Variants in BTBD16 observed in about 807,000 individuals in gnomAD.
BTBD16 encodes the protein BTB domain containing 16.
A neutral mutation model predicts 67.4 loss-of-function variants in BTBD16; 66 were observed. The observed-to-expected ratio is 0.98, with a 90% CI of 0.80 to 1.20. The LOEUF (loss-of-function observed/expected upper bound fraction) is 1.20. Among genes scored for constraint, BTBD16 ranks in the 50% most tolerant of loss-of-function variants. The pLI, the probability that BTBD16 is intolerant of heterozygous loss-of-function variation, is 0.00. For missense variants in BTBD16, 634 were observed against 616.0 expected (o/e 1.03, Z -0.31); for synonymous variants, 242 against 236.4 (o/e 1.02, Z -0.22).
Position 122,286,248 on chromosome 10 carries a change from G to T in BTBD16, c.385G>T (p.Ala129Ser). 1 of 1,605,338 alleles carries T rather than the reference G, an allele frequency of 6.2e-7. No homozygotes were observed. The highest frequency in any genetic ancestry group is 8.5e-7 in the Non-Finnish European group (1 of 1,174,454). The part of the protein sequence containing the change: ...PLRELEELLR[A>S]QSPKKTKEKS... ...GAGGGAGCTGGAGGAGCTTCTGCGA[G>T]GTACTTCCTCCCTGGCACCCAGTGC... The change falls in exon 5 of 16, where the codon GCT becomes TCT. Residue 129 changes from alanine to serine, a missense_variant and splice_region_variant. Coordinates refer to ENST00000260723, the MANE Select transcript of BTBD16 (RefSeq NM_144587.5).
chr10:122,302,230 G>T (rs1218507256), intron 9 of BTBD16, among the ~76,000 whole-genome samples: 1 of 152,170 alleles, frequency 6.6e-6, no homozygotes, highest in African/African-American at 2.4e-5. Flanking sequence ...ACCACCTGGG[G>T]TAAAATATGC....
intron 7 of BTBD16, chr10:122,295,441 C>A (rs757294391): frequency 5.1e-6 from 5 of 985,356 alleles, no homozygotes; most frequent in Non-Finnish European, 4.8e-6. Flanking sequence ...ATGAGCAGGT[C>A]TTGGTTCAGT....
In BTBD16 at chr10:122,286,151, C is replaced by T. The variant is rs765233305; in HGVS notation, c.288C>T (p.Pro96=). 5 of 1,613,808 alleles carry T rather than the reference C, an allele frequency of 3.1e-6. No individual in the cohort carries two copies. In the African/African-American group the frequency reaches 6.7e-5, roughly 22 times the overall value. ...GCTTCAAATGGGAGCTCCATCAGCC[C>T]CAGCTTTTTCAGTCTGAGACCTTGG... The part of the protein sequence containing the change: ...CLGFKWELHQ[P]QLFQSETLAK... Residue 96 remains proline, a synonymous_variant, in exon 5 of 16, where the codon CCC becomes CCT. Transcript: ENST00000260723.
At chr10:122,273,259 CATAT>C (rs565521846) in intron 1 of BTBD16, among the ~76,000 whole-genome samples, 5 of 122,788 alleles carry the variant, frequency 4.1e-5, no homozygotes, top group Non-Finnish European at 8.8e-5. Flanking sequence ...CACATACATA[CATAT>C]ATATACAGAT....
intron 5 of BTBD16, 60 bp from the exon 6 acceptor site, chr10:122,289,849 C>G (rs2096370553): frequency 7.7e-7 from 1 of 1,292,088 alleles, no homozygotes; most frequent in Non-Finnish European, 1.1e-6. Flanking sequence ...TGGGTGCCTC[C>G]CACTGTGTCT....
intron 7 of BTBD16, 78 bp from the exon 8 acceptor site, chr10:122,297,690 A>C: frequency 1.9e-5 from 28 of 1,504,070 alleles, no homozygotes; most frequent in Non-Finnish European, 2.5e-5. Flanking sequence ...CCTGGAGTTG[A>C]ATGAGAATCT....
intron 9 of BTBD16, among the ~76,000 whole-genome samples, chr10:122,300,233 T>C (rs1257267874): frequency 6.6e-6 from 1 of 152,190 alleles, no homozygotes; most frequent in African/African-American, 2.4e-5. Context: ...CTCTTAAACA[T>C]TTTTATTTGA....
At chr10:122,324,703 C>G (rs1056510608) in intron 10 of BTBD16, among the ~76,000 whole-genome samples, 3 of 152,194 alleles carry the variant, frequency 2.0e-5, no homozygotes, top group African/African-American at 7.2e-5. Flanking sequence ...TGTGTCTTCT[C>G]TTGCTCTGAG....
intron 3 of BTBD16, among the ~76,000 whole-genome samples, chr10:122,281,228 G>A (rs1363965832): frequency 2.0e-5 from 3 of 152,168 alleles, no homozygotes; most frequent in African/African-American, 7.2e-5. Flanking sequence ...AGATGTCCTC[G>A]CAGTACTTTT....
At chr10:122,306,275 C>G (rs1367519229) in intron 9 of BTBD16, among the ~76,000 whole-genome samples, 2 of 152,234 alleles carry the variant, frequency 1.3e-5, no homozygotes, top group Non-Finnish European at 2.9e-5. Flanking sequence ...AGAAGGAACA[C>G]AGCTCTGCTG....
chr10:122,313,278 T>G (rs949923218), intron 10 of BTBD16, among the ~76,000 whole-genome samples: 4 of 151,400 alleles, frequency 2.6e-5, no homozygotes, highest in Admixed American at 2.0e-4. Context: ...TTTGTTTTTT[T>G]TTTTGAGATG....
chr10:122,331,733 T>C (rs975200014), intron 12 of BTBD16, among the ~76,000 whole-genome samples: 2 of 152,218 alleles, frequency 1.3e-5, no homozygotes, highest in South Asian at 2.1e-4. Flanking sequence ...GTAGTTCTTA[T>C]GTGTTTTCAA....
intron 10 of BTBD16, among the ~76,000 whole-genome samples, chr10:122,311,225 GT>G (rs2096413214): frequency 2.0e-5 from 3 of 152,100 alleles, no homozygotes; most frequent in Admixed American, 2.0e-4. Context: ...CTAGCCAGAT[GT>G]TTAGAAACAA....
At chr10:122,309,340 G>T (rs573240044) in intron 10 of BTBD16, among the ~76,000 whole-genome samples, 32 of 146,768 alleles carry the variant, frequency 2.2e-4, no homozygotes, top group African/African-American at 7.7e-4. Flanking sequence ...TTGTTTTTTG[G>T]TTTTTGTTTT....
intron 15 of BTBD16, among the ~76,000 whole-genome samples, chr10:122,337,447 GT>G (rs965100005): frequency 6.6e-6 from 1 of 151,378 alleles, no homozygotes; most frequent in African/African-American, 2.4e-5. Flanking sequence ...GGAAATATTT[GT>G]TTTTTTTTGT....
intron 9 of BTBD16, among the ~76,000 whole-genome samples, chr10:122,306,410 C>T (rs2096403750): frequency 6.6e-6 from 1 of 152,228 alleles, no homozygotes; most frequent in African/African-American, 2.4e-5. Flanking sequence ...CTCATCCACT[C>T]ACCTCATCCA....
At chr10:122,290,737 C>T (rs575526819) in intron 6 of BTBD16, among the ~76,000 whole-genome samples, 4 of 152,216 alleles carry the variant, frequency 2.6e-5, no homozygotes, top group South Asian at 2.1e-4. Flanking sequence ...AAATACACGA[C>T]GTGCACACAA....
rs897981826 is a variant in BTBD16 at position 122,275,059 on chromosome 10, C to T, written c.-23C>T. ...TTCTAGGTTGCTTGTCTTTTCTCTC[C>T]TGCGTAATTTCCACTTTCATTCATG... On this transcript the variant is annotated 5_prime_UTR_variant, in exon 2 of 16. Coordinates refer to ENST00000260723, the MANE Select transcript of BTBD16 (RefSeq NM_144587.5). The T allele has an allele frequency of 6.2e-7, 1 of 1,613,558 alleles. No individual in the cohort carries two copies. The highest frequency in any genetic ancestry group is 1.3e-5 in the African/African-American group (1 of 74,898).
chr10:122,317,810 T>C (rs2096428593), intron 10 of BTBD16, among the ~76,000 whole-genome samples: 1 of 152,156 alleles, frequency 6.6e-6, no homozygotes, highest in Non-Finnish European at 1.5e-5. Context: ...ATGACACCCA[T>C]GAAGCCATCT....
Sources: gnomAD v4.1 joint callset for allele counts (sites outside exome capture counted in the v4.1 genomes callset) on GRCh38, gnomAD v4.1.1 for gene constraint, MANE v1.5 for transcripts, NCBI Gene and HGNC (gene_info 2026-07-23, HGNC 2026-07-21) for gene names.